Variants in ESRRG observed in about 807,000 individuals in gnomAD.
ESRRG encodes the protein estrogen-related receptor gamma.
ESRRG carries 13 observed loss-of-function variants against 44.0 expected under a neutral mutation model. The ratio of observed to expected loss-of-function variants is 0.30; its 90% confidence interval spans 0.19 to 0.47. The LOEUF (loss-of-function observed/expected upper bound fraction) is 0.47, where lower values mean the gene tolerates loss of function less well. Among genes scored for constraint, ESRRG ranks in the 20% least tolerant of loss-of-function variants. The pLI is 1.00. For missense variants in ESRRG, 395 were observed against 580.6 expected, an observed-to-expected ratio of 0.68 and a Z score of 3.29; for synonymous variants, 215 against 214.6, an observed-to-expected ratio of 1.00 and a Z score of -0.02.
At chr1:216,546,487 C>T (rs991972299) in intron 5 of ESRRG, among the ~76,000 whole-genome samples, 2 of 152,008 alleles carry the variant, frequency 1.3e-5, no homozygotes, top group African/African-American at 2.4e-5. Context: ...TGCAGGAAGC[C>T]ATGCTCGGTT....
chr1:216,774,811 TAA>T (rs2093536017), intron 2 of ESRRG, among the ~76,000 whole-genome samples: 1 of 149,214 alleles, frequency 6.7e-6, no homozygotes, highest in Non-Finnish European at 1.5e-5. Flanking sequence ...TTTTTTTTTT[TAA>T]GACAGAATCT....
At chr1:216,615,775 T>C (rs2150378488) in intron 3 of ESRRG, among the ~76,000 whole-genome samples, 1 of 150,076 alleles carries the variant, frequency 6.7e-6, no homozygotes, top group South Asian at 2.1e-4. Context: ...TCTCACTCTG[T>C]CGCCCAGGCT....
At chr1:216,585,701 C>T (rs72737313) in intron 3 of ESRRG, among the ~76,000 whole-genome samples, 2 of 152,100 alleles carry the variant, frequency 1.3e-5, no homozygotes, top group South Asian at 2.1e-4. Context: ...CCAATCAAAT[C>T]ATATAAATTT....
chr1:216,730,179 T>TA (rs1246343716), intron 2 of ESRRG, among the ~76,000 whole-genome samples: 1 of 151,638 alleles, frequency 6.6e-6, no homozygotes, highest in Non-Finnish European at 1.5e-5. Context: ...CGCATAGAAC[T>TA]CCGACAGAGA....
chr1:216,875,804 T>G (rs2096342434), intron 2 of ESRRG, among the ~76,000 whole-genome samples: 1 of 152,196 alleles, frequency 6.6e-6, no homozygotes, highest in Non-Finnish European at 1.5e-5. Context: ...TCACAGGCTA[T>G]GCATATGTAC....
At chr1:216,768,721 C>A (rs2093234758) in intron 2 of ESRRG, among the ~76,000 whole-genome samples, 1 of 152,078 alleles carries the variant, frequency 6.6e-6, no homozygotes, top group African/African-American at 2.4e-5. Flanking sequence ...AAACTGCTGG[C>A]CCCAAGCAAT....
rs541341742 is a variant in ESRRG, at chr1:217,046,310, A to G, written c.-106+43197T>C. Among the ~76,000 whole-genome samples, 63 of 152,326 alleles carry G rather than the reference A, an allele frequency of 4.1e-4. No individual in the cohort carries two copies. In the South Asian group the frequency reaches 4.1e-3, roughly 10 times the overall value. On this transcript the variant is annotated intron_variant, in intron 1 of 7. Coordinates refer to the ESRRG transcript ENST00000359162. Reference sequence around the variant, plus strand: ...GTATCTTATACAAAAGAGATGATCAAGAAATAGGTGTTGGATTGACCAAAT... The same window carrying G: ...GTATCTTATACAAAAGAGATGATCAGGAAATAGGTGTTGGATTGACCAAAT...
At chr1:216,641,145 G>A (rs2066339506) in intron 3 of ESRRG, among the ~76,000 whole-genome samples, 1 of 152,154 alleles carries the variant, frequency 6.6e-6, no homozygotes, top group Non-Finnish European at 1.5e-5. Flanking sequence ...GAAAGCTAAA[G>A]GAACTGTTTC....
intron 2 of ESRRG, among the ~76,000 whole-genome samples, chr1:216,929,715 C>A: frequency 6.6e-6 from 1 of 152,156 alleles, no homozygotes; most frequent in Non-Finnish European, 1.5e-5. Flanking sequence ...GGGCAGAGTG[C>A]AGACCACAGG....
intron 2 of ESRRG, among the ~76,000 whole-genome samples, chr1:216,763,208 A>G (rs7544643): frequency 0.4 from 60,260 of 151,872 alleles, 12,130 homozygotes; most frequent in Middle Eastern, 0.5. Context: ...TATTAGATAT[A>G]TTTTCATATA....
intron 5 of ESRRG, among the ~76,000 whole-genome samples, chr1:216,552,040 T>C (rs2056481195): frequency 6.6e-6 from 1 of 152,160 alleles, no homozygotes; most frequent in Non-Finnish European, 1.5e-5. Context: ...ACAGATTTAA[T>C]CTGATATATT....
At chr1:217,131,773 T>G (rs2092970234) in intron 1 of ESRRG, among the ~76,000 whole-genome samples, 1 of 152,180 alleles carries the variant, frequency 6.6e-6, no homozygotes, top group Admixed American at 6.5e-5. Context: ...TGAGTTCAAA[T>G]TGGTGAGACC....
intron 2 of ESRRG, among the ~76,000 whole-genome samples, chr1:216,826,682 T>C (rs954512301): frequency 1.3e-5 from 2 of 152,180 alleles, no homozygotes; most frequent in Admixed American, 1.3e-4. Flanking sequence ...GGGTAAGGAA[T>C]TGAATCTTTC....
At chr1:217,063,079 A>C (rs2088893243) in intron 1 of ESRRG, among the ~76,000 whole-genome samples, 1 of 151,894 alleles carries the variant, frequency 6.6e-6, no homozygotes, top group South Asian at 2.1e-4. Context: ...ATATATTGTT[A>C]CCCTTCCCCT....
At chr1:216,993,648 C>T (rs977317166) in intron 1 of ESRRG, among the ~76,000 whole-genome samples, 1 of 152,106 alleles carries the variant, frequency 6.6e-6, no homozygotes, top group African/African-American at 2.4e-5. Flanking sequence ...CAGATATTCC[C>T]GTACCGCAGT....
chr1:216,842,016 G>C (rs948257791), intron 2 of ESRRG, among the ~76,000 whole-genome samples: 2 of 152,038 alleles, frequency 1.3e-5, no homozygotes, highest in African/African-American at 2.4e-5. Flanking sequence ...GGCCATTAAA[G>C]AGAATAAAAT....
chr1:216,888,315 T>C (rs2057320063), intron 2 of ESRRG, among the ~76,000 whole-genome samples: 1 of 152,160 alleles, frequency 6.6e-6, no homozygotes, highest in Non-Finnish European at 1.5e-5. Context: ...TAAAATGTGT[T>C]ACCTTCAAAT....
chr1:216,723,383 T>G lies in ESRRG; in HGVS notation c.-84A>C, dbSNP rs919798514. 2 of 1,326,158 alleles carry G rather than the reference T, an allele frequency of 1.5e-6. No individual in the cohort carries two copies. Among genetic ancestry groups the G allele is most frequent in the African/African-American group, 2.9e-5 (2 of 69,280 alleles). 82.1% of individuals were successfully genotyped at this position (1,326,158 alleles called of 1,614,324 possible). On this transcript the variant is annotated 5_prime_UTR_variant, in exon 1 of 7. Coordinates refer to ENST00000408911, the MANE Select transcript of ESRRG (RefSeq NM_001438.4). Reference sequence around the variant, plus strand: ...AGCACAGTGCAATTAACACAAATGTTCTCCTAGTGACAAGCCTATAGGCAC... The same window carrying G: ...AGCACAGTGCAATTAACACAAATGTGCTCCTAGTGACAAGCCTATAGGCAC...
At chr1:216,524,227 A>C (rs911274919) in intron 5 of ESRRG, among the ~76,000 whole-genome samples, 1 of 139,200 alleles carries the variant, frequency 7.2e-6, no homozygotes, top group Admixed American at 7.4e-5. Flanking sequence ...ATATATATAT[A>C]TACATATATA....
Sources: gnomAD v4.1 joint callset for allele counts (sites outside exome capture counted in the v4.1 genomes callset) on GRCh38, gnomAD v4.1.1 for gene constraint, MANE v1.5 for transcripts, NCBI Gene and HGNC (gene_info 2026-07-23, HGNC 2026-07-21) for gene names.